The following NSUN4 variants were observed in gnomAD, a reference collection of about 807,000 sequenced individuals.
NSUN4 encodes the protein 5-cytosine rRNA methyltransferase NSUN4.
NSUN4 carries 31 observed loss-of-function variants against 43.8 expected under a neutral mutation model. The observed-to-expected ratio is 0.71, with a 90% confidence interval of 0.53 to 0.96. The LOEUF is 0.96. Ranked by LOEUF, NSUN4 falls within the 40% of genes least tolerant of loss-of-function variation. The pLI, the probability that NSUN4 is intolerant of heterozygous loss-of-function variation, is 0.00. For synonymous variants in NSUN4, 167 were observed against 184.1 expected (o/e 0.91, Z 0.75); for missense variants, 439 against 475.6 (o/e 0.92, Z 0.72).
intron 1 of NSUN4, chr1:46,342,008 ACC>A (rs1216834906): frequency 8.4e-7 from 1 of 1,197,210 alleles, no homozygotes; most frequent in East Asian, 3.2e-5. Flanking sequence ...TCACTCATGT[ACC>A]CTTGGAAACT....
the NSUN4 span, among the ~76,000 whole-genome samples, chr1:46,383,025 C>T: frequency 1.3e-5 from 2 of 152,330 alleles, no homozygotes; most frequent in East Asian, 3.9e-4. Context: ...TGTAATTCAT[C>T]CCCCTCTGAA....
intron 1 of NSUN4, chr1:46,342,277 A>T (rs772117424): frequency 2.5e-6 from 1 of 398,574 alleles, no homozygotes; most frequent in Non-Finnish European, 4.4e-6. Context: ...AAGCCTCTAG[A>T]CTCTTGTGAA....
At chr1:46,342,211 C>A (rs1026620693) in intron 1 of NSUN4, 6 of 399,620 alleles carry the variant, frequency 1.5e-5, no homozygotes, top group African/African-American at 1.2e-4. Context: ...TATAATGACC[C>A]CCTTCTCTCC....
downstream of NSUN4, among the ~76,000 whole-genome samples, chr1:46,368,923 A>G (rs1224000713): frequency 3.3e-5 from 5 of 152,312 alleles, no homozygotes; most frequent in East Asian, 1.9e-4. Flanking sequence ...CATTGCCAGC[A>G]GGATCAAGTC....
chr1:46,375,657 A>T, the NSUN4 span, among the ~76,000 whole-genome samples: 1 of 144,816 alleles, frequency 6.9e-6, no homozygotes, highest in East Asian at 2.1e-4. Context: ...GGATGGCTTG[A>T]GCTCGGCAGG....
chr1:46,343,999 C>T, intron 1 of NSUN4: 1 of 388,078 alleles, frequency 2.6e-6, no homozygotes. Flanking sequence ...CAGAGCAAGG[C>T]ATAGATAGTA....
At chr1:46,352,451 TAAAAA>T (rs111689344) in intron 3 of NSUN4, among the ~76,000 whole-genome samples, 2 of 139,514 alleles carry the variant, frequency 1.4e-5, no homozygotes, top group South Asian at 2.3e-4. Flanking sequence ...GACTCTGTCT[TAAAAA>T]AAAAACAAAA....
chr1:46,377,972 G>C, the NSUN4 span, among the ~76,000 whole-genome samples: 1 of 152,188 alleles, frequency 6.6e-6, no homozygotes, highest in Non-Finnish European at 1.5e-5. Flanking sequence ...ATGGCTGATG[G>C]GTTTCCAAGT....
chr1:46,345,486 T>G (rs1662423834), intron 2 of NSUN4: 1 of 203,704 alleles, frequency 4.9e-6, no homozygotes, highest in African/African-American at 2.3e-5. Flanking sequence ...GCTCTGTGCC[T>G]CTGGTAGAAA....
Position 46,345,087 on chromosome 1 carries a change from C to T in NSUN4, c.380C>T (p.Pro127Leu), listed in dbSNP as rs1161252046. ...TCCCCTGCCTCCTGGGCCTGCAGTC[C>T]GAACCTTCGATGCTTCACTTTTGAC... ...APSPASWACSPNLRCFTFDRG... is the reference protein window; with the variant it reads ...APSPASWACSLNLRCFTFDRG... Residue 127 changes from proline to leucine, a missense_variant, in exon 2 of 6, where the codon CCG (proline) becomes CTG (leucine). Coordinates refer to ENST00000474844, the MANE Select transcript of NSUN4 (RefSeq NM_199044.4). 7.4e-6 allele frequency: 12 copies of T among 1,613,902 alleles called. No homozygotes were observed. The highest frequency in any genetic ancestry group is 4.5e-5 in the East Asian group (2 of 44,896).
rs1472738100 is a variant in NSUN4, at chr1:46,361,993, TAGA to T, written c.*151_*153del. ...TTCTGCAGTTTTCGGCAATAAGAAG[TAGA>T]AGATTTGCTGTCCTGCTGTCCAATT... On this transcript the variant is annotated 3_prime_UTR_variant, in exon 6 of 6. Transcript: ENST00000474844. 4.0e-6 allele frequency: 3 copies of T among 741,062 alleles called. No homozygotes were observed. In the African/African-American group the frequency reaches 5.3e-5, roughly 13 times the overall value. 45.9% of individuals were successfully genotyped at this position (741,062 alleles called of 1,614,324 possible).
intron 4 of NSUN4, among the ~76,000 whole-genome samples, chr1:46,353,671 G>A: frequency 6.6e-6 from 1 of 151,968 alleles, no homozygotes. Context: ...TAGAGACGGG[G>A]CTTCACCATC....
intron 5 of NSUN4, among the ~76,000 whole-genome samples, chr1:46,361,083 G>A (rs1487281018): frequency 1.3e-5 from 2 of 152,112 alleles, no homozygotes; most frequent in African/African-American, 4.8e-5. Context: ...GGAGGTGGAG[G>A]CTGCAGTGAG....
chr1:46,344,804 G>GC lies in NSUN4; in HGVS notation c.99dup (p.Thr34HisfsTer16). ...AAGCCTGTCCTCTCTCTTTTAGGCT[G>GC]CCACAGAGCCCAAATTCCCTGCTGT... On this transcript the variant is annotated frameshift_variant, in exon 2 of 6. Transcript: ENST00000474844. LOFTEE classifies it high-confidence loss of function. 1 of 1,612,926 alleles carries GC rather than the reference G, an allele frequency of 6.2e-7. No homozygotes were observed. Among genetic ancestry groups the GC allele is most frequent in the South Asian group, 1.1e-5 (1 of 90,968 alleles).
At chr1:46,342,661 C>A in intron 1 of NSUN4, 1 of 399,310 alleles carries the variant, frequency 2.5e-6, no homozygotes, top group Non-Finnish European at 4.4e-6. Context: ...TCCTTCCCTT[C>A]ACCCCTGGGC....
intron 4 of NSUN4, among the ~76,000 whole-genome samples, chr1:46,358,687 G>A (rs12404971): frequency 0.29 from 44,773 of 151,876 alleles, 7,298 homozygotes; most frequent in East Asian, 0.49. Flanking sequence ...GGTATGAGCC[G>A]CTGTGCCTGA....
chr1:46,350,553 T>A (rs559188838), intron 3 of NSUN4, among the ~76,000 whole-genome samples: 5 of 152,152 alleles, frequency 3.3e-5, no homozygotes, highest in Non-Finnish European at 5.9e-5. Flanking sequence ...ATTTTTCTCA[T>A]AGTAGCACTA....
rs553264866 is a variant in NSUN4 at position 46,364,002 on chromosome 1, G to T, written c.*2156G>T. On this transcript the variant is annotated 3_prime_UTR_variant, in exon 6 of 6. Coordinates refer to ENST00000474844, the MANE Select transcript of NSUN4 (RefSeq NM_199044.4). ...TATATAATAGTATAGTCACCATCAA[G>T]ATGTAGAAAATAGAAAATAGGCTAG... The T allele has an allele frequency of 6.6e-6, 1 of 151,908 alleles. No homozygotes were observed. The highest frequency in any genetic ancestry group is 1.5e-5 in the Non-Finnish European group (1 of 68,020). The allele number at this position is 151,908 out of a possible 1,614,324, so 9.4% of individuals were successfully genotyped here.
intron 2 of NSUN4, 125 bp downstream of exon 2, chr1:46,345,269 AG>A: frequency 1.4e-6 from 1 of 699,266 alleles, no homozygotes. Context: ...ATGTTTATAC[AG>A]ACTAGGCATT....
Sources: gnomAD v4.1 joint callset for allele counts (sites outside exome capture counted in the v4.1 genomes callset) on GRCh38, gnomAD v4.1.1 for gene constraint, MANE v1.5 for transcripts, NCBI Gene and HGNC (gene_info 2026-07-23, HGNC 2026-07-21) for gene names.